The following SCN11A variants were observed in gnomAD, a reference collection of about 807,000 sequenced individuals.
SCN11A encodes the protein sodium voltage-gated channel alpha subunit 11.
In SCN11A, 122 loss-of-function variants were observed where a neutral mutation model predicts 162.2. The observed-to-expected ratio is 0.75, with a 90% CI of 0.65 to 0.87. SCN11A has a LOEUF of 0.87. Ranked by LOEUF, SCN11A falls within the 40% of genes least tolerant of loss-of-function variation. The pLI, the probability that SCN11A is intolerant of heterozygous loss-of-function variation, is 0.00. For synonymous variants in SCN11A, 758 were observed against 751.5 expected, an observed-to-expected ratio of 1.01 and a Z score of -0.14; for missense variants, 2,015 against 2,181.6, an observed-to-expected ratio of 0.92 and a Z score of 1.52.
intron 2 of SCN11A, among the ~76,000 whole-genome samples, chr3:38,986,218 C>A (rs1010248243): frequency 6.6e-6 from 1 of 150,754 alleles, no homozygotes; most frequent in Non-Finnish European, 1.5e-5. Flanking sequence ...TTCAATGGAC[C>A]GTCACCACAC....
At chr3:38,982,751 T>A (rs115431352) in intron 2 of SCN11A, among the ~76,000 whole-genome samples, 1 of 151,738 alleles carries the variant, frequency 6.6e-6, no homozygotes, top group Non-Finnish European at 1.5e-5. Flanking sequence ...GGGGTGGGGG[T>A]CAGGAAAGGA....
At position 38,948,297 on chromosome 3, in the gene SCN11A, C is replaced by A. The variant is rs189834418; in HGVS notation, c.268-1390G>T. On this transcript the variant is annotated intron_variant, in intron 5 of 29. Coordinates refer to ENST00000302328, the MANE Select transcript of SCN11A (RefSeq NM_001349253.2). The stretch of plus-strand genomic sequence containing the variant: ...GGTACAATATGGCTCTCCTTCTGTG[C>A]CTTTGATTTTGATATTTTATTGATG... Among the ~76,000 whole-genome samples, 719 of 152,238 alleles carry A rather than the reference C, an allele frequency of 4.7e-3. 2 individuals carry two copies. The highest frequency in any genetic ancestry group is 6.8e-3 in the Middle Eastern group (2 of 294).
At chr3:39,000,346 C>G (rs1203152950) in intron 2 of SCN11A, among the ~76,000 whole-genome samples, 1 of 152,150 alleles carries the variant, frequency 6.6e-6, no homozygotes, top group East Asian at 1.9e-4. Context: ...TACAAGTCCT[C>G]AAGGTATGCA....
chr3:39,047,858 C>T (rs771767774), intron 1 of SCN11A, among the ~76,000 whole-genome samples: 5 of 151,818 alleles, frequency 3.3e-5, no homozygotes, highest in South Asian at 2.1e-4. Context: ...AATCGCTATA[C>T]GAAAAAGACA....
intron 7 of SCN11A, among the ~76,000 whole-genome samples, chr3:38,936,213 C>T (rs1258934000): frequency 8.6e-5 from 13 of 151,918 alleles, no homozygotes; most frequent in African/African-American, 2.7e-4. Context: ...ATTGATGGGA[C>T]GTATCTCAAA....
intron 7 of SCN11A, among the ~76,000 whole-genome samples, chr3:38,938,514 A>G (rs1249236162): frequency 9.2e-5 from 1 of 10,842 alleles, no homozygotes; most frequent in Non-Finnish European, 1.9e-4. Flanking sequence ...AATATCATAT[A>G]TATATATATA....
At chr3:38,855,338 T>A (rs2064850092) in intron 28 of SCN11A, among the ~76,000 whole-genome samples, 1 of 152,174 alleles carries the variant, frequency 6.6e-6, no homozygotes, top group African/African-American at 2.4e-5. Flanking sequence ...TGAGGACCAC[T>A]TCCTCATCCC....
intron 7 of SCN11A, among the ~76,000 whole-genome samples, chr3:38,927,920 TG>T (rs2125555211): frequency 6.6e-6 from 1 of 152,114 alleles, no homozygotes; most frequent in South Asian, 2.1e-4. Context: ...CATATCAAGG[TG>T]GTACTAGCAT....
intron 2 of SCN11A, among the ~76,000 whole-genome samples, chr3:38,993,916 T>G (rs1171178064): frequency 1.3e-5 from 2 of 152,226 alleles, no homozygotes; most frequent in Admixed American, 6.5e-5. Context: ...GGAAGCAGCC[T>G]TGCCTTCCTC....
intron 1 of SCN11A, among the ~76,000 whole-genome samples, chr3:39,034,204 C>T (rs1247899534): frequency 6.7e-6 from 1 of 149,232 alleles, no homozygotes; most frequent in Non-Finnish European, 1.5e-5. Flanking sequence ...CAGGAGGCAA[C>T]AAAATACCAG....
intron 6 of SCN11A, 79 bp from the exon 7 acceptor site, chr3:38,945,591 T>G: frequency 1.1e-6 from 1 of 912,722 alleles, no homozygotes; most frequent in East Asian, 2.7e-5. Context: ...GGGGTGCCCC[T>G]GATGGTCCCC....
At chr3:38,936,005 A>G (rs1272795871) in intron 7 of SCN11A, among the ~76,000 whole-genome samples, 1 of 152,192 alleles carries the variant, frequency 6.6e-6, no homozygotes, top group East Asian at 1.9e-4. Context: ...GCAGCACATC[A>G]AAAAGCTTAT....
chr3:38,951,952 T>A (rs910611575), intron 4 of SCN11A, among the ~76,000 whole-genome samples: 1 of 152,064 alleles, frequency 6.6e-6, no homozygotes, highest in Non-Finnish European at 1.5e-5. Flanking sequence ...GGCAACCCGC[T>A]GGGGTCCCCT....
chr3:38,929,131 G>GCGTGCGCGCA (rs774058202), intron 7 of SCN11A, among the ~76,000 whole-genome samples: 1 of 36,992 alleles, frequency 2.7e-5, no homozygotes, highest in African/African-American at 7.1e-5. Flanking sequence ...CTGGGTCTGT[G>GCGTGCGCGCA]CACGCACACA....
chr3:38,905,350 A>T (rs756405691), intron 14 of SCN11A, 29 bp from the exon 15 acceptor site: 11 of 1,602,742 alleles, frequency 6.9e-6, no homozygotes, highest in Non-Finnish European at 8.5e-6. Context: ...GGCACCTTCT[A>T]AAGACAGGGG....
At chr3:38,964,448 ATGAGAAAGAACAGGTGTGC>A (rs2066768844) in intron 2 of SCN11A, among the ~76,000 whole-genome samples, 1 of 152,252 alleles carries the variant, frequency 6.6e-6, no homozygotes, top group Non-Finnish European at 1.5e-5. Flanking sequence ...CATCTGCTGC[ATGAGAAAGAACAGGTGTGC>A]TGAGAAAGAA....
At chr3:38,930,304 C>T (rs946737063) in intron 7 of SCN11A, among the ~76,000 whole-genome samples, 1 of 152,206 alleles carries the variant, frequency 6.6e-6, no homozygotes, top group Non-Finnish European at 1.5e-5. Flanking sequence ...GAGGCTGCTA[C>T]AGGCAAGAGC....
chr3:38,937,775 G>GAACTGTA (rs1430661148), intron 7 of SCN11A, among the ~76,000 whole-genome samples: 2 of 152,212 alleles, frequency 1.3e-5, no homozygotes, highest in East Asian at 3.8e-4. Context: ...ACTGTTGGTG[G>GAACTGTA]AACTGTAAAC....
At chr3:39,005,240 G>C (rs1186890009) in intron 2 of SCN11A, among the ~76,000 whole-genome samples, 1 of 152,182 alleles carries the variant, frequency 6.6e-6, no homozygotes, top group African/African-American at 2.4e-5. Flanking sequence ...CTGGCGCCGG[G>C]CTGCCTGTCT....
Sources: gnomAD v4.1 joint callset for allele counts (sites outside exome capture counted in the v4.1 genomes callset) on GRCh38, gnomAD v4.1.1 for gene constraint, MANE v1.5 for transcripts, NCBI Gene and HGNC (gene_info 2026-07-23, HGNC 2026-07-21) for gene names.